Variants in USP3 observed in about 807,000 individuals in gnomAD.
The protein encoded by USP3 is ubiquitin carboxyl-terminal hydrolase 3.
Under a neutral mutation model 72.3 loss-of-function variants are expected in USP3, and 20 were observed. The observed-to-expected ratio is 0.28, with a 90% CI of 0.19 to 0.40. The LOEUF is 0.40. USP3 is among the 10% of genes least tolerant of loss of function. The pLI is 1.00. For missense variants in USP3, 479 were observed against 633.9 expected, an observed-to-expected ratio of 0.76 and a Z score of 2.62; for synonymous variants, 222 against 225.3, an observed-to-expected ratio of 0.99 and a Z score of 0.13.
At chr15:63,522,440 C>T (rs902669694) in intron 1 of USP3, among the ~76,000 whole-genome samples, 6 of 152,198 alleles carry the variant, frequency 3.9e-5, no homozygotes, top group African/African-American at 1.2e-4. Flanking sequence ...ATTTTCTATG[C>T]GTGCCCTGAC....
intron 3 of USP3, among the ~76,000 whole-genome samples, chr15:63,547,888 G>GAGAGAGAGACAT (rs1555446525): frequency 2.7e-5 from 2 of 73,300 alleles, no homozygotes; most frequent in Non-Finnish European, 5.8e-5. Flanking sequence ...GAGAGAGAGA[G>GAGAGAGAGACAT]AGAGAGAGGC....
At chr15:63,550,863 A>G (rs577420108) in intron 3 of USP3, among the ~76,000 whole-genome samples, 156 of 152,330 alleles carry the variant, frequency 1.0e-3, no homozygotes, top group Middle Eastern at 3.4e-3. Context: ...ACATTGAACA[A>G]GAATCTGAAC....
intron 2 of USP3, among the ~76,000 whole-genome samples, chr15:63,535,249 C>T (rs1328864462): frequency 2.6e-5 from 4 of 152,124 alleles, no homozygotes; most frequent in African/African-American, 7.2e-5. Context: ...TATTAAATAG[C>T]GTTTCTTGAC....
Position 63,588,163 on chromosome 15 carries a change from C to T in USP3, c.1097-142C>T, listed in dbSNP as rs2067113456. The T allele has an allele frequency of 3.5e-6, 2 of 567,114 alleles. No homozygotes were observed. Among genetic ancestry groups the T allele is most frequent in the South Asian group, 2.8e-5 (1 of 36,112 alleles). 35.1% of individuals were successfully genotyped at this position (567,114 alleles called of 1,614,324 possible). On this transcript the variant is annotated intron_variant, in intron 11 of 14. Transcript: ENST00000380324. The surrounding 1 kb of genome is among the most constrained non-coding windows in gnomAD (Gnocchi z 4.6). ...CAAAGTAGGTATTATTTTTTGTCTC[C>T]AGTTTGCAATTGAGAAAGGTTAACT...
intron 11 of USP3, among the ~76,000 whole-genome samples, chr15:63,584,675 C>G (rs2067026069): frequency 6.6e-6 from 1 of 151,928 alleles, no homozygotes; most frequent in South Asian, 2.1e-4. Context: ...GCCATTAATC[C>G]CTTATCCAGA....
At position 63,588,852 on chromosome 15, in the gene USP3, G is replaced by T. The variant is rs539550565; in HGVS notation, c.1329+37G>T. 1.9e-6 allele frequency: 3 copies of T among 1,609,540 alleles called. No individual in the cohort carries two copies. In the African/African-American group the frequency reaches 4.0e-5, roughly 21 times the overall value. ...ACCTTTTTAGCATGGTGAAAAAATG[G>T]CTCTTCAGTAAGATTGTCATCACAT... is the stretch of plus-strand genomic sequence containing the variant. On this transcript the variant is annotated intron_variant, in intron 13 of 14. Transcript: ENST00000380324. This position sits in a 1 kb window ranked among gnomAD's most constrained non-coding sequence, Gnocchi z 4.6.
Position 63,569,933 on chromosome 15 carries a change from A to G in USP3, c.762-500A>G, listed in dbSNP as rs2066752675. Among the ~76,000 whole-genome samples, 3 of 152,312 alleles carry G rather than the reference A, an allele frequency of 2.0e-5. No homozygotes were observed. In the South Asian group the frequency reaches 6.2e-4, roughly 32 times the overall value. ...CAGTGTTTAAAAATTAGTATCTTTC[A>G]ATCTAAGGAGTCATTAATAATTTTA... On this transcript the variant is annotated intron_variant, in intron 8 of 14. Transcript: ENST00000380324.
chr15:63,567,828 A>G (rs2066715265), intron 8 of USP3, among the ~76,000 whole-genome samples: 1 of 152,178 alleles, frequency 6.6e-6, no homozygotes, highest in African/African-American at 2.4e-5. Flanking sequence ...ATTTGGGGAA[A>G]TTTGGTTTGT....
chr15:63,560,125 T>C (rs957775092), intron 7 of USP3, among the ~76,000 whole-genome samples, 155 bp downstream of exon 7: 6 of 152,168 alleles, frequency 3.9e-5, no homozygotes, highest in Non-Finnish European at 8.8e-5. Flanking sequence ...ATCTTAATAA[T>C]TGTTGGAATT....
chr15:63,538,594 T>C (rs2066195278), intron 3 of USP3, among the ~76,000 whole-genome samples: 2 of 151,094 alleles, frequency 1.3e-5, no homozygotes, highest in Non-Finnish European at 2.9e-5. Context: ...TCGCCCAGGC[T>C]GGAGTGCAGT....
intron 8 of USP3, among the ~76,000 whole-genome samples, 188 bp downstream of exon 8, chr15:63,563,196 A>G (rs2066635079): frequency 6.6e-6 from 1 of 152,222 alleles, no homozygotes; most frequent in Admixed American, 6.5e-5. Context: ...TTATTTAAAT[A>G]ATAGACTATA....
chr15:63,519,346 T>C (rs1338819216), intron 1 of USP3, among the ~76,000 whole-genome samples: 1 of 151,858 alleles, frequency 6.6e-6, no homozygotes, highest in Non-Finnish European at 1.5e-5. Flanking sequence ...TTTTTTTTTC[T>C]ATTCTAACAT....
intron 6 of USP3, among the ~76,000 whole-genome samples, chr15:63,559,529 G>A (rs1267213821): frequency 6.6e-6 from 1 of 152,174 alleles, no homozygotes; most frequent in African/African-American, 2.4e-5. Flanking sequence ...GGAAATTATT[G>A]AATAACTGGA....
chr15:63,506,075 C>T (rs746003292), intron 1 of USP3, among the ~76,000 whole-genome samples: 4 of 152,174 alleles, frequency 2.6e-5, no homozygotes, highest in Non-Finnish European at 5.9e-5. Context: ...CGCGCTCAGA[C>T]GTCTGATGCT....
Position 63,562,933 on chromosome 15 carries a change from T to C in USP3, c.686T>C (p.Leu229Ser). Residue 229 changes from leucine (L) to serine (S), a missense_variant, in exon 8 of 15, where the codon TTA (leucine) becomes TCA (serine). Leu to Ser is a moderately radical substitution (Grantham distance 145). Transcript: ENST00000380324. ...GAGTTTAGAAAGACACTCTGTGCTT[T>C]ATGGCAAGGCAGCCAGACTGCATTT... Reference protein sequence around the residue: ...VEEFRKTLCALWQGSQTAFSP... With the variant: ...VEEFRKTLCASWQGSQTAFSP... The C allele has an allele frequency of 6.2e-7, 1 of 1,613,028 alleles. No individual in the cohort carries two copies. Among genetic ancestry groups the C allele is most frequent in the East Asian group, 2.2e-5 (1 of 44,858 alleles).
At chr15:63,539,333 G>A (rs1193433189) in intron 3 of USP3, among the ~76,000 whole-genome samples, 2 of 152,150 alleles carry the variant, frequency 1.3e-5, no homozygotes, top group African/African-American at 4.8e-5. Flanking sequence ...CAATGTGAGT[G>A]AATTGCTTAA....
chr15:63,573,487 C>G (rs947715334), intron 9 of USP3, among the ~76,000 whole-genome samples: 2 of 152,162 alleles, frequency 1.3e-5, no homozygotes, highest in Non-Finnish European at 2.9e-5. Flanking sequence ...GCAGTAATAT[C>G]CAGAATTTTC....
At chr15:63,512,347 C>T (rs1193442322) in intron 1 of USP3, among the ~76,000 whole-genome samples, 3 of 98,218 alleles carry the variant, frequency 3.1e-5, no homozygotes, top group African/African-American at 9.3e-5. Context: ...CCTCTTCCTC[C>T]TCTTCCTCTT....
Position 63,556,439 on chromosome 15 carries a change from G to C in USP3, c.369-228G>C, listed in dbSNP as rs191942794. The C allele has an allele frequency of 9.6e-4, 361 of 377,526 alleles. 4 individuals are homozygous for C. In the East Asian group the frequency reaches 0.013, roughly 14 times the overall value. The allele number at this position is 377,526 out of a possible 1,614,324, so 23.4% of individuals were successfully genotyped here. On this transcript the variant is annotated intron_variant, in intron 4 of 14. Coordinates refer to ENST00000380324, the MANE Select transcript of USP3 (RefSeq NM_006537.4). ...GGGCTGCATCTTCCCGGCCAGCTTTGCCAGGAGCAGTGTCCAGCCCACCTC... is the reference window on the plus strand; with the variant it reads ...GGGCTGCATCTTCCCGGCCAGCTTTCCCAGGAGCAGTGTCCAGCCCACCTC...
Sources: gnomAD v4.1 joint callset for allele counts (sites outside exome capture counted in the v4.1 genomes callset) on GRCh38, gnomAD v4.1.1 for gene constraint, Gnocchi (gnomAD v3.1) non-coding constraint, MANE v1.5 for transcripts, NCBI Gene and HGNC (gene_info 2026-07-23, HGNC 2026-07-21) for gene names.